The following UNC13A variants were observed in gnomAD, a reference collection of about 807,000 sequenced individuals.
The protein encoded by UNC13A is protein unc-13 homolog A.
A neutral mutation model predicts 219.7 loss-of-function variants in UNC13A; 61 were observed. The observed-to-expected ratio is 0.28, with a 90% CI of 0.23 to 0.34. UNC13A has a LOEUF of 0.34. Among genes scored for constraint, UNC13A ranks in the 10% least tolerant of loss-of-function variants. The probability of loss-of-function intolerance (pLI) is 1.00; values close to 1 mark genes in which losing one functional copy is unlikely to be tolerated. For synonymous variants in UNC13A, 920 were observed against 884.6 expected (o/e 1.04, Z -0.71); for missense variants, 1,476 against 2,270.3 (o/e 0.65, Z 7.11).
chr19:17,659,753 A>T (rs2079520022), intron 8 of UNC13A, among the ~76,000 whole-genome samples: 1 of 152,172 alleles, frequency 6.6e-6, no homozygotes, highest in African/African-American at 2.4e-5. Flanking sequence ...TGGGTGTCAG[A>T]ATGAGACCCT....
intron 41 of UNC13A, among the ~76,000 whole-genome samples, chr19:17,617,063 TC>T (rs2076674250): frequency 6.6e-6 from 1 of 152,036 alleles, no homozygotes; most frequent in East Asian, 1.9e-4. Flanking sequence ...TCGAGGTCCC[TC>T]CCGCCCTCGG....
rs565304839 is a variant in UNC13A at position 17,639,035 on chromosome 19, G to C, written c.3081+48C>G. 53 of 1,527,774 alleles carry C rather than the reference G, an allele frequency of 3.5e-5. 2 individuals carry two copies. In the East Asian group the frequency reaches 5.9e-4, roughly 17 times the overall value. The allele number at this position is 1,527,774 out of a possible 1,614,324, so 94.6% of individuals were successfully genotyped here. ...AGGGGCAGGGCTGGGACTGAAGCCT[G>C]TGTCTAGTTGGCATCACTGTTCCCT... On this transcript the variant is annotated intron_variant, in intron 25 of 43. Coordinates refer to ENST00000519716, the MANE Select transcript of UNC13A (RefSeq NM_001080421.3).
intron 1 of UNC13A, among the ~76,000 whole-genome samples, chr19:17,677,052 G>A (rs1377120134): frequency 6.6e-6 from 1 of 152,068 alleles, no homozygotes; most frequent in Non-Finnish European, 1.5e-5. Flanking sequence ...AGACACTTGG[G>A]TCCTGGCTGG....
intron 1 of UNC13A, among the ~76,000 whole-genome samples, chr19:17,680,148 G>A (rs1425901917): frequency 6.6e-6 from 1 of 150,918 alleles, no homozygotes; most frequent in African/African-American, 2.4e-5. Context: ...GGGGATGGGC[G>A]CAGAGGGGAG....
chr19:17,616,614 C>T, intron 41 of UNC13A: 1 of 519,998 alleles, frequency 1.9e-6, no homozygotes, highest in East Asian at 3.5e-5. Context: ...GGAGGAAAAA[C>T]AAGAGAGAGA....
Position 17,674,901 on chromosome 19 carries a change from G to C in UNC13A, c.53-145C>G, listed in dbSNP as rs1484504813. 7.9e-6 allele frequency: 5 copies of C among 636,876 alleles called. No individual in the cohort carries two copies. In the East Asian group the frequency reaches 1.4e-4, roughly 18 times the overall value. The allele number at this position is 636,876 out of a possible 1,614,324, so 39.5% of individuals were successfully genotyped here. A position where few individuals can be genotyped will look rare whatever the true frequency, so the allele number is the denominator to read the frequency against. Reference sequence around the variant, plus strand: ...CCACAACCCCACCCTCAGGGCACAAGGGAGGGGCCTCAGTGTGGGGAGACG... The same window carrying C: ...CCACAACCCCACCCTCAGGGCACAACGGAGGGGCCTCAGTGTGGGGAGACG... On this transcript the variant is annotated intron_variant, in intron 2 of 43. Transcript: ENST00000519716. The surrounding 1 kb of genome is among the most constrained non-coding windows in gnomAD (Gnocchi z 5.0).
intron 31 of UNC13A, chr19:17,628,308 A>C: frequency 7.3e-5 from 16 of 220,406 alleles, no homozygotes; most frequent in South Asian, 6.1e-4. Context: ...GACACACTGA[A>C]GGCGTGTGCC....
At chr19:17,630,322 G>T in intron 29 of UNC13A, 34 bp from the exon 30 acceptor site, 1 of 1,554,340 alleles carries the variant, frequency 6.4e-7, no homozygotes, top group Non-Finnish European at 8.7e-7. Context: ...GGAAGGAGGA[G>T]ATCAGCACCA....
chr19:17,654,155 C>T (rs2079407089), intron 11 of UNC13A, among the ~76,000 whole-genome samples: 2 of 152,180 alleles, frequency 1.3e-5, no homozygotes, highest in African/African-American at 2.4e-5. Context: ...TCATCTCCTC[C>T]AGGGAGTTTT....
chr19:17,636,009 A>G lies in UNC13A; in HGVS notation c.3215+15T>C, dbSNP rs370450124. 8 of 1,604,746 alleles carry G rather than the reference A, an allele frequency of 5.0e-6. No individual in the cohort carries two copies. Among genetic ancestry groups the G allele is most frequent in the Non-Finnish European group, 6.8e-6 (8 of 1,172,738 alleles). On this transcript the variant is annotated intron_variant, in intron 26 of 43. Transcript: ENST00000519716. ...ATGACACCCAGATAATTAACTACAC[A>G]GATACACAACTCACTGGTTGAGGCA...
intron 20 of UNC13A, 116 bp downstream of exon 20, chr19:17,642,729 C>G: frequency 1.2e-6 from 1 of 815,450 alleles, no homozygotes; most frequent in Non-Finnish European, 1.9e-6. Flanking sequence ...AATGGCATGG[C>G]GGGCAGTCTC....
chr19:17,617,124 G>A (rs1185855533), intron 41 of UNC13A, among the ~76,000 whole-genome samples: 1 of 152,010 alleles, frequency 6.6e-6, no homozygotes, highest in East Asian at 1.9e-4. Flanking sequence ...TCCCTCCTCA[G>A]GGGAGTTCAA....
In UNC13A at chr19:17,648,057, C is replaced by T. The variant is rs531720690; in HGVS notation, c.1816+374G>A. Among the ~76,000 whole-genome samples, 165 of 144,050 alleles carry T rather than the reference C, an allele frequency of 1.1e-3. 1 individual carries two copies. The highest frequency in any genetic ancestry group is 4.1e-3 in the African/African-American group (158 of 38,322). The allele number at this position is 144,050 out of a possible 152,430, so 94.5% of individuals were successfully genotyped here. On this transcript the variant is annotated intron_variant, in intron 16 of 43. Transcript: ENST00000519716. ...CACAGTCCTCTCGCAGTCTGAACCCCTTCCCTCTCTGAGCCCCTCTTCCTC... is the reference window on the plus strand; with the variant it reads ...CACAGTCCTCTCGCAGTCTGAACCCTTTCCCTCTCTGAGCCCCTCTTCCTC...
Position 17,655,346 on chromosome 19 carries a change from C to G in UNC13A, c.1320G>C (p.Gly440=). ...RPREDEEGQE[G]QDSMSRAKAN... is the part of the protein sequence containing the mutation. ...CCTTGGCCCTGGACATGGAGTCCTG[C>G]CCCTCCTGGCCTTCCTCATCCTCTC... Residue 440 remains glycine (G), a synonymous_variant, in exon 11 of 44, where the codon GGG becomes GGC. Coordinates refer to ENST00000519716, the MANE Select transcript of UNC13A (RefSeq NM_001080421.3). 1 of 1,590,308 alleles carries G rather than the reference C, an allele frequency of 6.3e-7. No individual in the cohort carries two copies. The highest frequency in any genetic ancestry group is 8.6e-7 in the Non-Finnish European group (1 of 1,168,840).
intron 4 of UNC13A, among the ~76,000 whole-genome samples, chr19:17,671,885 T>A (rs920530876): frequency 1.4e-4 from 21 of 152,228 alleles, no homozygotes; most frequent in African/African-American, 5.1e-4. Flanking sequence ...TGGTGTAAGC[T>A]TCCTGCTGCT....
Position 17,606,464 on chromosome 19 carries a change from C to T in UNC13A, c.4812-110G>A, listed in dbSNP as rs1177613770. 4 of 1,369,232 alleles carry T rather than the reference C, an allele frequency of 2.9e-6. No homozygotes were observed. In the African/African-American group the frequency reaches 4.5e-5, roughly 15 times the overall value. The allele number at this position is 1,369,232 out of a possible 1,614,324, so 84.8% of individuals were successfully genotyped here. A position where few individuals can be genotyped will look rare whatever the true frequency, so the allele number is the denominator to read the frequency against. On this transcript the variant is annotated intron_variant, in intron 43 of 43. Transcript: ENST00000519716. ...CCACGCCCACACCGGGGTGCCCACA[C>T]CTGTCACCTCCCACGCTACGCTAGC...
chr19:17,605,955 AG>A lies in UNC13A; in HGVS notation c.*98del. On this transcript the variant is annotated 3_prime_UTR_variant, in exon 44 of 44. Coordinates refer to ENST00000519716, the MANE Select transcript of UNC13A (RefSeq NM_001080421.3). ...CCCACCCTTGGCGTGGAGCCCCCCG[AG>A]CCCCGCCCCTGGGGAGGTCCCACCA... The A allele has an allele frequency of 2.6e-6, 3 of 1,157,360 alleles. No homozygotes were observed. Among genetic ancestry groups the A allele is most frequent in the Non-Finnish European group, 3.4e-6 (3 of 884,520 alleles). 71.7% of individuals were successfully genotyped at this position (1,157,360 alleles called of 1,614,324 possible). A position where few individuals can be genotyped will look rare whatever the true frequency, so the allele number is the denominator to read the frequency against.
At chr19:17,626,374 G>T in intron 34 of UNC13A, 1 of 421,476 alleles carries the variant, frequency 2.4e-6, no homozygotes, top group Non-Finnish European at 4.3e-6. Flanking sequence ...TAATCCATGC[G>T]TCCACCCACC....
chr19:17,676,927 T>G (rs2079910369), intron 1 of UNC13A, among the ~76,000 whole-genome samples: 2 of 152,020 alleles, frequency 1.3e-5, no homozygotes, highest in Admixed American at 1.3e-4. Flanking sequence ...GGTAGGAGAA[T>G]CACTTGAACC....
Sources: gnomAD v4.1 joint callset for allele counts (sites outside exome capture counted in the v4.1 genomes callset) on GRCh38, gnomAD v4.1.1 for gene constraint, Gnocchi (gnomAD v3.1) non-coding constraint, MANE v1.5 for transcripts, NCBI Gene and HGNC (gene_info 2026-07-23, HGNC 2026-07-21) for gene names.